COG5: variants seen among roughly 807,000 people sequenced by gnomAD.
COG5 encodes the protein component of oligomeric golgi complex 5.
In COG5, 86 loss-of-function variants were observed where a neutral mutation model predicts 110.4. That is an observed-to-expected ratio of 0.78 (90% confidence interval 0.65 to 0.93). The LOEUF (loss-of-function observed/expected upper bound fraction) is 0.93, where lower values mean the gene tolerates loss of function less well. Among genes scored for constraint, COG5 ranks in the 40% least tolerant of loss-of-function variants. COG5 has a pLI of 0.00. For synonymous variants in COG5, 360 were observed against 334.6 expected (o/e 1.08, Z -0.83); for missense variants, 1,077 against 987.0 (o/e 1.09, Z -1.22).
chr7:107,409,581 C>T lies in COG5; in HGVS notation c.669+2921G>A, dbSNP rs80285774. The stretch of plus-strand genomic sequence containing the variant: ...AAGATATAACTAAGTAAACAGTTAA[C>T]ATTGAAGAATCCTTTTTCCTTTCAA... On this transcript the variant is annotated intron_variant, in intron 7 of 21. Coordinates refer to ENST00000297135, the MANE Select transcript of COG5 (RefSeq NM_006348.5). Among the ~76,000 whole-genome samples the T allele has an allele frequency of 5.0e-3, 754 of 152,238 alleles. 7 individuals are homozygous for T. Among genetic ancestry groups the T allele is most frequent in the African/African-American group, 0.018 (734 of 41,550 alleles).
intron 21 of COG5, chr7:107,208,423 T>C: frequency 4.1e-6 from 4 of 985,444 alleles, no homozygotes; most frequent in Non-Finnish European, 4.8e-6. Flanking sequence ...ATGAACTCAT[T>C]CCAACTTGTT....
chr7:107,239,714 T>G (rs185488226), intron 17 of COG5, among the ~76,000 whole-genome samples: 36 of 152,356 alleles, frequency 2.4e-4, no homozygotes, highest in African/African-American at 8.4e-4. Context: ...TCCCAAGATA[T>G]TTTTGATTTC....
At position 107,432,507 on chromosome 7, in the gene COG5, T is replaced by C. The variant is rs1179989039; in HGVS notation, c.539-19875A>G. The stretch of plus-strand genomic sequence containing the variant: ...TACTGAAATAAGAACATGACATAAG[T>C]ACAGACCACAGGAAAATACCATAAT... On this transcript the variant is annotated intron_variant, in intron 6 of 21. Coordinates refer to ENST00000297135, the MANE Select transcript of COG5 (RefSeq NM_006348.5). Among the ~76,000 whole-genome samples the C allele has an allele frequency of 3.3e-5, 5 of 152,260 alleles. No individual in the cohort carries two copies. The East Asian group carries it at 5.8e-4, about 18-fold the overall frequency.
chr7:107,324,359 A>G, intron 11 of COG5, 81 bp downstream of exon 11: 5 of 920,090 alleles, frequency 5.4e-6, no homozygotes, highest in Non-Finnish European at 6.9e-6. Context: ...TTGTAAACCA[A>G]TACAGCAAAG....
Position 107,398,462 on chromosome 7 carries a change from G to A in COG5, c.669+14040C>T, listed in dbSNP as rs114562161. On this transcript the variant is annotated intron_variant, in intron 7 of 21. Coordinates refer to ENST00000297135, the MANE Select transcript of COG5 (RefSeq NM_006348.5). ...AGCAGCGTTCGATTCTCATAGGAGT[G>A]CGAACCCTATTGCTAACTGCACACG... 3.8e-3 allele frequency among the ~76,000 whole-genome samples: 585 copies of A among 152,280 alleles called. 6 individuals are homozygous for A. The highest frequency in any genetic ancestry group is 0.013 in the African/African-American group (541 of 41,552).
intron 6 of COG5, among the ~76,000 whole-genome samples, chr7:107,507,628 TCAC>T (rs960739356): frequency 1.3e-5 from 2 of 152,052 alleles, no homozygotes; most frequent in Admixed American, 6.5e-5. Context: ...TCTAAAATCT[TCAC>T]CAACTGCAAC....
chr7:107,406,302 G>T (rs62482510), intron 7 of COG5, among the ~76,000 whole-genome samples: 244 of 152,114 alleles, frequency 1.6e-3, no homozygotes, highest in African/African-American at 5.6e-3. Flanking sequence ...ACACCTACCC[G>T]TGCAGACACA....
chr7:107,281,433 C>A (rs1290058238), intron 13 of COG5, 34 bp from the exon 14 acceptor site: 1 of 1,399,636 alleles, frequency 7.1e-7, no homozygotes, highest in Non-Finnish European at 1.0e-6. Context: ...TAAATATTAG[C>A]AACATCATTC....
intron 14 of COG5, among the ~76,000 whole-genome samples, chr7:107,262,443 A>C (rs1803429889): frequency 6.6e-6 from 1 of 152,184 alleles, no homozygotes; most frequent in African/African-American, 2.4e-5. Context: ...TGGAGAGTTC[A>C]TTAGTTTTCA....
chr7:107,470,897 A>G (rs1045724797), intron 6 of COG5, among the ~76,000 whole-genome samples: 2 of 151,978 alleles, frequency 1.3e-5, no homozygotes, highest in African/African-American at 4.8e-5. Context: ...TGAACAATTC[A>G]TCAATGGAAA....
At chr7:107,357,590 T>C (rs188835010) in intron 10 of COG5, among the ~76,000 whole-genome samples, 3 of 152,302 alleles carry the variant, frequency 2.0e-5, no homozygotes, top group Non-Finnish European at 4.4e-5. Flanking sequence ...AATAGGTGAA[T>C]AAAAAGCATA....
intron 6 of COG5, among the ~76,000 whole-genome samples, chr7:107,517,394 T>C (rs1383606859): frequency 6.6e-6 from 1 of 151,952 alleles, no homozygotes; most frequent in South Asian, 2.1e-4. Flanking sequence ...AGAGATGGGG[T>C]GAATGGAATC....
intron 19 of COG5, among the ~76,000 whole-genome samples, chr7:107,228,625 A>G (rs1800541396): frequency 6.7e-6 from 1 of 148,244 alleles, no homozygotes; most frequent in Admixed American, 6.6e-5. Context: ...CAAAATACTT[A>G]AACAGTTTTA....
intron 12 of COG5, among the ~76,000 whole-genome samples, chr7:107,295,256 G>T (rs1368173467): frequency 6.7e-6 from 1 of 149,654 alleles, no homozygotes; most frequent in Non-Finnish European, 1.5e-5. Flanking sequence ...TTTTCCTAAG[G>T]TCTCTAAATT....
intron 21 of COG5, chr7:107,208,961 C>G: frequency 1.0e-6 from 1 of 982,092 alleles, no homozygotes; most frequent in Non-Finnish European, 1.2e-6. Context: ...TCTTGGGGAG[C>G]TATAGAGAAA....
intron 11 of COG5, among the ~76,000 whole-genome samples, chr7:107,323,484 T>C (rs1809486452): frequency 6.6e-6 from 1 of 152,054 alleles, no homozygotes; most frequent in Non-Finnish European, 1.5e-5. Context: ...TGAGCCGAGA[T>C]CACGTGACTG....
chr7:107,260,678 C>T (rs2116642134), intron 14 of COG5, among the ~76,000 whole-genome samples: 1 of 151,958 alleles, frequency 6.6e-6, no homozygotes, highest in African/African-American at 2.4e-5. Flanking sequence ...GTTCAAAAGA[C>T]CTACAAAGCT....
chr7:107,475,496 A>G (rs1173251114), intron 6 of COG5: 1 of 561,410 alleles, frequency 1.8e-6, no homozygotes, highest in Non-Finnish European at 3.2e-6. Flanking sequence ...TGTGAATGTC[A>G]ATTAGATAGG....
chr7:107,301,490 C>T (rs1353150227), intron 11 of COG5, among the ~76,000 whole-genome samples: 2 of 152,122 alleles, frequency 1.3e-5, no homozygotes, highest in African/African-American at 2.4e-5. Flanking sequence ...AAAAAATACT[C>T]AACCTCTTTA....
Sources: gnomAD v4.1 joint callset for allele counts (sites outside exome capture counted in the v4.1 genomes callset) on GRCh38, gnomAD v4.1.1 for gene constraint, MANE v1.5 for transcripts, NCBI Gene and HGNC (gene_info 2026-07-23, HGNC 2026-07-21) for gene names.